EXOC1: variants seen among roughly 807,000 people sequenced by gnomAD.
EXOC1 encodes exocyst complex component 1.
Under a neutral mutation model 107.7 loss-of-function variants are expected in EXOC1, and 67 were observed. The observed-to-expected ratio is 0.62, with a 90% CI of 0.51 to 0.76. The LOEUF (loss-of-function observed/expected upper bound fraction) is 0.76, where lower values mean the gene tolerates loss of function less well. EXOC1 is among the 30% of genes least tolerant of loss of function. EXOC1 has a pLI of 0.00. For synonymous variants in EXOC1, 348 were observed against 353.5 expected (o/e 0.98, Z 0.17); for missense variants, 833 against 1,055.7 (o/e 0.79, Z 2.92).
chr4:55,864,726 A>G (rs866371783), intron 4 of EXOC1, among the ~76,000 whole-genome samples: 1 of 152,200 alleles, frequency 6.6e-6, no homozygotes, highest in Non-Finnish European at 1.5e-5. Flanking sequence ...AACATTTTTC[A>G]TGTTGTTGAA....
Position 55,858,341 on chromosome 4 carries a change from T to A in EXOC1, c.18T>A (p.His6Gln). The A allele has an allele frequency of 6.2e-7, 1 of 1,607,838 alleles. No individual in the cohort carries two copies. The highest frequency in any genetic ancestry group is 8.5e-7 in the Non-Finnish European group (1 of 1,177,342). MTAIKHALQRDIFTPN... is the reference protein window; with the variant it reads MTAIKQALQRDIFTPN... Reference sequence around the variant, plus strand: ...GAGAAAAGATGACAGCAATCAAGCATGCATTACAAAGAGACATTTTTACAC... The same window carrying A: ...GAGAAAAGATGACAGCAATCAAGCAAGCATTACAAAGAGACATTTTTACAC... Residue 6 changes from histidine to glutamine, a missense_variant, in exon 2 of 19, where the codon CAT (histidine) becomes CAA (glutamine). Transcript: ENST00000381295.
chr4:55,876,814 T>A (rs1210174159), intron 8 of EXOC1: 1 of 984,428 alleles, frequency 1.0e-6, no homozygotes, highest in East Asian at 1.1e-4. Flanking sequence ...TGGGTCCTTT[T>A]TTCTTTTTAA....
chr4:55,855,443 A>T (rs1720872369), intron 1 of EXOC1, among the ~76,000 whole-genome samples: 1 of 152,152 alleles, frequency 6.6e-6, no homozygotes, highest in Non-Finnish European at 1.5e-5. Context: ...ATCTTGGAGG[A>T]GCTATAGCTG....
At chr4:55,877,512 A>G (rs1270355031) in intron 8 of EXOC1, 2 of 984,856 alleles carry the variant, frequency 2.0e-6, no homozygotes, top group African/African-American at 3.5e-5. Context: ...TGGGAATACC[A>G]TAAATGTAGA....
chr4:55,860,302 T>G (rs1721352780), intron 2 of EXOC1, 109 bp from the exon 3 acceptor site: 1 of 1,374,356 alleles, frequency 7.3e-7, no homozygotes. Flanking sequence ...GTATTACACC[T>G]CTTTTAGTAT....
chr4:55,881,059 A>G (rs1188676987), intron 9 of EXOC1, among the ~76,000 whole-genome samples: 1 of 152,164 alleles, frequency 6.6e-6, no homozygotes, highest in South Asian at 2.1e-4. Context: ...ACTTTTTGGC[A>G]GGAACAGGAA....
intron 9 of EXOC1, 126 bp downstream of exon 9, chr4:55,878,192 A>G (rs892737496): frequency 2.8e-6 from 3 of 1,053,726 alleles, no homozygotes; most frequent in Non-Finnish European, 4.1e-6. Context: ...AAAATGAGTC[A>G]GTGCTCTTTA....
rs183379303 is a variant in EXOC1, at chr4:55,898,954, T to C, written c.2138-731T>C. ...TGGAATTACTGGGTCAAAGGATTTA[T>C]GTATCTCAAGTCTTTTCCCAAATTG... On this transcript the variant is annotated intron_variant, in intron 16 of 18. Transcript: ENST00000381295. Among the ~76,000 whole-genome samples, 270 of 152,328 alleles carry C rather than the reference T, an allele frequency of 1.8e-3. 2 individuals are homozygous for C. Among genetic ancestry groups the C allele is most frequent in the African/African-American group, 6.1e-3 (253 of 41,594 alleles).
rs778448551 is a variant in EXOC1, at chr4:55,904,307, C to T, written c.2533-36C>T. On this transcript the variant is annotated intron_variant, in intron 18 of 18. Coordinates refer to ENST00000381295, the MANE Select transcript of EXOC1 (RefSeq NM_001024924.2). ...TGCATACTAGATTACATATTATTTC[C>T]ATTCATAGCCTAATGACTTTTTTTT... 8.4e-6 allele frequency: 13 copies of T among 1,545,084 alleles called. No individual in the cohort carries two copies. The East Asian group carries it at 9.3e-5, about 11-fold the overall frequency.
intron 2 of EXOC1, among the ~76,000 whole-genome samples, chr4:55,859,383 T>C (rs1370568803): frequency 6.6e-6 from 1 of 152,186 alleles, no homozygotes; most frequent in African/African-American, 2.4e-5. Context: ...TCTTAGATTT[T>C]ATTTGATAGT....
chr4:55,859,888 G>A (rs73238369), intron 2 of EXOC1, among the ~76,000 whole-genome samples: 8,184 of 152,134 alleles, frequency 0.054, 326 homozygotes, highest in Non-Finnish European at 0.083. Flanking sequence ...TCACTCAATC[G>A]TAATGTATTT....
chr4:55,871,337 G>A, intron 7 of EXOC1, 104 bp downstream of exon 7: 1 of 1,370,954 alleles, frequency 7.3e-7, no homozygotes, highest in Admixed American at 2.6e-5. Context: ...AGTGGTTTAA[G>A]GGTTACATTA....
At chr4:55,877,347 G>A in intron 8 of EXOC1, 1 of 985,292 alleles carries the variant, frequency 1.0e-6, no homozygotes, top group Non-Finnish European at 1.2e-6. Flanking sequence ...ATCTGTCTTG[G>A]TTTGCCTTTT....
Position 55,875,402 on chromosome 4 carries a change from AAAG to A in EXOC1, c.1075-2511_1075-2509del, listed in dbSNP as rs1324310802. ...AGAATAAGTAAGTATGCCATAACAG[AAAG>A]AAGGAGTTCCAAATCTTGAAAATTT... On this transcript the variant is annotated intron_variant, in intron 8 of 18. Transcript: ENST00000381295. 10 of 977,842 alleles carry A rather than the reference AAAG, an allele frequency of 1.0e-5. No homozygotes were observed. The East Asian group carries it at 5.7e-4, about 56-fold the overall frequency. 60.6% of individuals were successfully genotyped at this position (977,842 alleles called of 1,614,324 possible).
At chr4:55,858,710 A>T (rs976024280) in intron 2 of EXOC1, among the ~76,000 whole-genome samples, 1 of 152,096 alleles carries the variant, frequency 6.6e-6, no homozygotes, top group Non-Finnish European at 1.5e-5. Context: ...TAGTCATTTC[A>T]TTCTGTTGTG....
At chr4:55,884,574 T>A (rs1723695332) in intron 10 of EXOC1, among the ~76,000 whole-genome samples, 1 of 152,226 alleles carries the variant, frequency 6.6e-6, no homozygotes, top group Admixed American at 6.5e-5. Flanking sequence ...AGTGACAGTA[T>A]CAAGTTATGA....
chr4:55,891,286 C>G, intron 12 of EXOC1, 29 bp from the exon 13 acceptor site: 1 of 1,415,058 alleles, frequency 7.1e-7, no homozygotes, highest in Non-Finnish European at 1.0e-6. Context: ...GCAGTTCTTT[C>G]GTTATAGGAT....
intron 8 of EXOC1, chr4:55,876,727 C>T (rs1230729568): frequency 1.0e-6 from 1 of 985,136 alleles, no homozygotes; most frequent in African/African-American, 1.7e-5. Context: ...CCAAGTTAAC[C>T]TAAGTAGATA....
intron 9 of EXOC1, among the ~76,000 whole-genome samples, chr4:55,879,695 T>TAA (rs1049367369): frequency 1.3e-5 from 2 of 152,150 alleles, no homozygotes; most frequent in Non-Finnish European, 2.9e-5. Flanking sequence ...TATCCCTTTT[T>TAA]AAAAAAATAG....
Sources: gnomAD v4.1 joint callset for allele counts (sites outside exome capture counted in the v4.1 genomes callset) on GRCh38, gnomAD v4.1.1 for gene constraint, MANE v1.5 for transcripts, NCBI Gene and HGNC (gene_info 2026-07-23, HGNC 2026-07-21) for gene names.